Variants in ACOXL observed in about 807,000 individuals in gnomAD.
ACOXL encodes the protein acyl-coenzyme A oxidase-like protein.
Under a neutral mutation model 71.9 loss-of-function variants are expected in ACOXL, and 70 were observed. The observed-to-expected ratio is 0.97, with a 90% confidence interval of 0.80 to 1.19. The LOEUF (loss-of-function observed/expected upper bound fraction) is 1.19. ACOXL is among the 50% of genes most tolerant of loss of function. ACOXL has a pLI of 0.00. For missense variants in ACOXL, 703 were observed against 736.3 expected (o/e 0.95, Z 0.52); for synonymous variants, 253 against 281.6 (o/e 0.90, Z 1.02).
intron 2 of ACOXL, among the ~76,000 whole-genome samples, chr2:110,781,775 C>T (rs1683371657): frequency 6.6e-6 from 1 of 152,122 alleles, no homozygotes; most frequent in African/African-American, 2.4e-5. Context: ...CAAAGGAGGC[C>T]GTGTGGGTTA....
chr2:111,008,363 C>T (rs1165211759), intron 14 of ACOXL, among the ~76,000 whole-genome samples: 1 of 152,186 alleles, frequency 6.6e-6, no homozygotes, highest in Non-Finnish European at 1.5e-5. Flanking sequence ...TCCATCACTT[C>T]CCTTTTTTCC....
chr2:110,917,658 T>C (rs2059914917), intron 11 of ACOXL, among the ~76,000 whole-genome samples: 1 of 152,226 alleles, frequency 6.6e-6, no homozygotes, highest in South Asian at 2.1e-4. Flanking sequence ...GAAAACCCCA[T>C]AGTCTCAGCC....
At chr2:110,745,413 C>G (rs1246592354) in intron 1 of ACOXL, among the ~76,000 whole-genome samples, 1 of 152,192 alleles carries the variant, frequency 6.6e-6, no homozygotes, top group Non-Finnish European at 1.5e-5. Context: ...TCTGCCCACA[C>G]CAGAAGGTGG....
chr2:110,740,649 A>G (rs1340886312), intron 1 of ACOXL, among the ~76,000 whole-genome samples: 1 of 152,230 alleles, frequency 6.6e-6, no homozygotes, highest in East Asian at 1.9e-4. Flanking sequence ...CTTGAATGTT[A>G]AGTTTTATGA....
intron 12 of ACOXL, 45 bp from the exon 13 acceptor site, chr2:110,987,063 T>G (rs1389332566): frequency 6.6e-7 from 1 of 1,505,460 alleles, no homozygotes; most frequent in Non-Finnish European, 9.0e-7. Flanking sequence ...GATACTGTCA[T>G]TTTTTACACT....
chr2:110,906,103 T>A (rs2059431353), intron 10 of ACOXL, among the ~76,000 whole-genome samples: 1 of 152,212 alleles, frequency 6.6e-6, no homozygotes, highest in African/African-American at 2.4e-5. Context: ...AGGTCTCCAG[T>A]GGCCACTCTG....
intron 14 of ACOXL, among the ~76,000 whole-genome samples, chr2:111,005,432 A>T (rs1048802780): frequency 6.6e-6 from 1 of 152,210 alleles, no homozygotes; most frequent in Non-Finnish European, 1.5e-5. Flanking sequence ...TATTAGAAAC[A>T]TAACTTTCTA....
intron 10 of ACOXL, among the ~76,000 whole-genome samples, chr2:110,874,121 G>A (rs1695603806): frequency 6.6e-6 from 1 of 152,224 alleles, no homozygotes; most frequent in Admixed American, 6.5e-5. Flanking sequence ...TTGGGAGAGA[G>A]GGCAGCAAAA....
intron 9 of ACOXL, among the ~76,000 whole-genome samples, chr2:110,811,647 G>A (rs1687324308): frequency 6.6e-6 from 1 of 151,296 alleles, no homozygotes. Context: ...TTTCAGGCAC[G>A]TTGTATGTGC....
chr2:110,967,733 C>T (rs975500255), intron 12 of ACOXL: 2 of 504,662 alleles, frequency 4.0e-6, no homozygotes, highest in African/African-American at 1.9e-5. Context: ...AACACAACTA[C>T]TAGACAGCAA....
At chr2:110,874,900 G>A (rs555739959) in intron 10 of ACOXL, among the ~76,000 whole-genome samples, 1 of 152,192 alleles carries the variant, frequency 6.6e-6, no homozygotes, top group East Asian at 1.9e-4. Context: ...TCAGGCCCCA[G>A]AGCCCTGAAC....
At chr2:110,886,673 C>T in intron 10 of ACOXL, 1 of 1,409,754 alleles carries the variant, frequency 7.1e-7, no homozygotes, top group Non-Finnish European at 9.7e-7. Flanking sequence ...GCCACTGCGT[C>T]TGTCCCTCCC....
chr2:110,787,116 G>A (rs543674411), intron 3 of ACOXL, among the ~76,000 whole-genome samples: 7 of 152,170 alleles, frequency 4.6e-5, no homozygotes, highest in Admixed American at 6.5e-5. Context: ...ACCATGAGCT[G>A]ACCATCCTTG....
In ACOXL at chr2:110,784,824, C is replaced by T. The variant is rs775292039; in HGVS notation, c.159+9C>T. On this transcript the variant is annotated intron_variant, in intron 3 of 17. Coordinates refer to ENST00000439055, the MANE Select transcript of ACOXL (RefSeq NM_001142807.4). ...TGGCCACAGGAGTGAAGGTGAGAGG[C>T]GCCGGGCACCTGCCCTTCATGAATG... The T allele has an allele frequency of 6.3e-6, 10 of 1,591,890 alleles. No individual in the cohort carries two copies. Among genetic ancestry groups the T allele is most frequent in the Middle Eastern group, 1.7e-4 (1 of 5,966 alleles).
chr2:110,769,811 G>C (rs1681644475), intron 2 of ACOXL, among the ~76,000 whole-genome samples: 1 of 152,012 alleles, frequency 6.6e-6, no homozygotes, highest in Non-Finnish European at 1.5e-5. Context: ...TCCAGCCTGG[G>C]CAACAAAGCG....
chr2:110,741,022 G>A (rs1394702050), intron 1 of ACOXL, among the ~76,000 whole-genome samples: 1 of 152,174 alleles, frequency 6.6e-6, no homozygotes, highest in Admixed American at 6.5e-5. Context: ...TAAGGAGGAA[G>A]TGACTTACTC....
chr2:110,944,051 AT>A (rs1320379899), intron 12 of ACOXL, among the ~76,000 whole-genome samples: 1 of 151,992 alleles, frequency 6.6e-6, no homozygotes, highest in Non-Finnish European at 1.5e-5. Context: ...CCATACTTTT[AT>A]TTTTTTATTT....
At chr2:110,948,340 TA>T (rs1279781598) in intron 12 of ACOXL, among the ~76,000 whole-genome samples, 1 of 152,230 alleles carries the variant, frequency 6.6e-6, no homozygotes, top group African/African-American at 2.4e-5. Context: ...CAAGTGTTTG[TA>T]AATTTTTTCA....
chr2:111,039,905 TG>T (rs1417078497), intron 15 of ACOXL, among the ~76,000 whole-genome samples: 6 of 152,120 alleles, frequency 3.9e-5, no homozygotes, highest in Non-Finnish European at 7.4e-5. Context: ...CAGAAAAAAA[TG>T]GCTTTCAAAA....
Sources: allele counts gnomAD v4.1 joint callset (sites outside exome capture counted in the v4.1 genomes callset), GRCh38; gene constraint gnomAD v4.1.1; transcripts MANE v1.5; gene names NCBI Gene and HGNC (gene_info 2026-07-23, HGNC 2026-07-21).